ARHGAP15: variants seen among roughly 807,000 people sequenced by gnomAD.
The protein encoded by ARHGAP15 is Rho GTPase activating protein 15.
In ARHGAP15, 51 loss-of-function variants were observed where a neutral mutation model predicts 63.7. The observed-to-expected ratio is 0.80, with a 90% confidence interval of 0.64 to 1.01. The LOEUF is 1.01. Among genes scored for constraint, ARHGAP15 ranks in the 50% least tolerant of loss-of-function variants. ARHGAP15 has a pLI of 0.00. For synonymous variants in ARHGAP15, 191 were observed against 193.8 expected (o/e 0.99, Z 0.12); for missense variants, 560 against 564.6 (o/e 0.99, Z 0.08).
At chr2:143,279,520 A>G (rs557100887) in intron 6 of ARHGAP15, among the ~76,000 whole-genome samples, 14 of 152,310 alleles carry the variant, frequency 9.2e-5, no homozygotes, top group African/African-American at 2.9e-4. Flanking sequence ...CACTTTGGAC[A>G]TAGAAGACAA....
At chr2:143,299,984 A>G (rs1558875630) in intron 6 of ARHGAP15, among the ~76,000 whole-genome samples, 1 of 152,044 alleles carries the variant, frequency 6.6e-6, no homozygotes, top group Non-Finnish European at 1.5e-5. Flanking sequence ...ACAAAAATCT[A>G]TAATACACTT....
At chr2:143,730,394 T>C (rs6735262) in intron 13 of ARHGAP15, among the ~76,000 whole-genome samples, 44,711 of 137,524 alleles carry the variant, frequency 0.33, 7,386 homozygotes, top group Non-Finnish European at 0.44. Context: ...CACAAAAGTA[T>C]GCAATATTTC....
At chr2:143,378,161 G>T (rs1686897265) in intron 6 of ARHGAP15, among the ~76,000 whole-genome samples, 1 of 152,006 alleles carries the variant, frequency 6.6e-6, no homozygotes, top group Non-Finnish European at 1.5e-5. Flanking sequence ...CAGCAAAGCA[G>T]GTGATCTAGT....
intron 6 of ARHGAP15, among the ~76,000 whole-genome samples, chr2:143,405,547 T>G (rs1443416402): frequency 6.6e-6 from 1 of 151,924 alleles, no homozygotes; most frequent in Non-Finnish European, 1.5e-5. Flanking sequence ...TGACTATATA[T>G]TTTCTTCTGT....
intron 2 of ARHGAP15, among the ~76,000 whole-genome samples, chr2:143,188,203 G>A (rs1302858694): frequency 6.6e-6 from 1 of 151,574 alleles, no homozygotes. Context: ...TCCCTCTATT[G>A]TTTCATCATA....
intron 5 of ARHGAP15, among the ~76,000 whole-genome samples, chr2:143,233,246 C>T (rs1693517735): frequency 6.6e-6 from 1 of 151,726 alleles, no homozygotes; most frequent in African/African-American, 2.4e-5. Context: ...TTTTCTTCTG[C>T]TTGAAATATA....
At chr2:143,342,134 G>T (rs1285599601) in intron 6 of ARHGAP15, among the ~76,000 whole-genome samples, 2 of 152,028 alleles carry the variant, frequency 1.3e-5, no homozygotes, top group Non-Finnish European at 2.9e-5. Flanking sequence ...TTTACCCATT[G>T]TACATAACGA....
chr2:143,221,248 T>C (rs1004347325), intron 4 of ARHGAP15, among the ~76,000 whole-genome samples: 14 of 152,298 alleles, frequency 9.2e-5, no homozygotes, highest in Non-Finnish European at 2.1e-4. Context: ...TTTTTATGTG[T>C]CTTTATTTGT....
intron 6 of ARHGAP15, among the ~76,000 whole-genome samples, chr2:143,416,572 T>C (rs942603210): frequency 2.0e-5 from 3 of 152,208 alleles, no homozygotes; most frequent in African/African-American, 7.2e-5. Flanking sequence ...CTTTGGTTTG[T>C]TTTCTAGCTG....
At position 143,258,780 on chromosome 2, in the gene ARHGAP15, T is replaced by C. The variant is rs1422339666; in HGVS notation, c.474+8180T>C. Among the ~76,000 whole-genome samples the C allele has an allele frequency of 2.0e-5, 3 of 152,078 alleles. 1 individual carries two copies. Among genetic ancestry groups the C allele is most frequent in the African/African-American group, 7.2e-5 (3 of 41,434 alleles). ...AGGGAGAGGTGTTCACATGGAGGGT[T>C]TAGATGCATTTCTTTTTAGTAGAGA... On this transcript the variant is annotated intron_variant, in intron 6 of 13. Transcript: ENST00000295095.
rs142427020 is a variant in ARHGAP15 at position 143,249,827 on chromosome 2, AT to A, written c.385-680del. On this transcript the variant is annotated intron_variant, in intron 5 of 13. Coordinates refer to ENST00000295095, the MANE Select transcript of ARHGAP15 (RefSeq NM_018460.4). ...TGTAATTGTGTAATAGGAAGCACAC[AT>A]TTTAATCCTTTTGGTCTAAGTTAAA... Among the ~76,000 whole-genome samples, 1,322 of 152,244 alleles carry A rather than the reference AT, an allele frequency of 8.7e-3. 23 individuals carry two copies. The highest frequency in any genetic ancestry group is 0.03 in the African/African-American group (1,252 of 41,578).
chr2:143,570,264 A>C (rs188718590), intron 11 of ARHGAP15, among the ~76,000 whole-genome samples: 3 of 152,294 alleles, frequency 2.0e-5, no homozygotes, highest in Admixed American at 2.0e-4. Context: ...TTTAAATGTC[A>C]CTCAAATTTT....
At chr2:143,432,545 A>G (rs774584295) in intron 6 of ARHGAP15, among the ~76,000 whole-genome samples, 2 of 152,066 alleles carry the variant, frequency 1.3e-5, no homozygotes, top group African/African-American at 4.8e-5. Flanking sequence ...CCAAGGACAC[A>G]GACTATTCTA....
intron 9 of ARHGAP15, among the ~76,000 whole-genome samples, chr2:143,495,288 T>A (rs1293389968): frequency 6.6e-6 from 1 of 152,212 alleles, no homozygotes; most frequent in East Asian, 1.9e-4. Flanking sequence ...GAAACCATTC[T>A]GTTAAGTATT....
chr2:143,193,446 G>C (rs974737395), intron 2 of ARHGAP15: 4 of 152,644 alleles, frequency 2.6e-5, no homozygotes, highest in Non-Finnish European at 5.9e-5. Context: ...CTTCAATCCT[G>C]CTGAGTTGGA....
chr2:143,691,233 C>T (rs189248589), intron 12 of ARHGAP15, among the ~76,000 whole-genome samples: 2 of 152,262 alleles, frequency 1.3e-5, no homozygotes, highest in African/African-American at 2.4e-5. Context: ...TAGGTCTGCT[C>T]TGTAGCACTG....
At chr2:143,360,324 G>A (rs966162196) in intron 6 of ARHGAP15, among the ~76,000 whole-genome samples, 11 of 152,046 alleles carry the variant, frequency 7.2e-5, no homozygotes, top group Admixed American at 2.6e-4. Context: ...GTTTGAGGTT[G>A]CAGTGAGCCG....
chr2:143,385,337 G>A (rs1485052106), intron 6 of ARHGAP15, among the ~76,000 whole-genome samples: 1 of 152,156 alleles, frequency 6.6e-6, no homozygotes, highest in Non-Finnish European at 1.5e-5. Flanking sequence ...AGTGTTTTCT[G>A]TCACTTGACT....
At chr2:143,369,293 T>G (rs576064699) in intron 6 of ARHGAP15, among the ~76,000 whole-genome samples, 7 of 152,252 alleles carry the variant, frequency 4.6e-5, no homozygotes, top group African/African-American at 1.7e-4. Context: ...CTTTTTTATC[T>G]TAAATTATGG....
Sources: gnomAD v4.1 joint callset for allele counts (sites outside exome capture counted in the v4.1 genomes callset) on GRCh38, gnomAD v4.1.1 for gene constraint, MANE v1.5 for transcripts, NCBI Gene and HGNC (gene_info 2026-07-23, HGNC 2026-07-21) for gene names.